ABCC9: variants seen among roughly 807,000 people sequenced by gnomAD.
ABCC9 encodes ATP-binding cassette sub-family C member 9.
A neutral mutation model predicts 188.3 loss-of-function variants in ABCC9; 95 were observed. That is an observed-to-expected ratio of 0.50 (90% CI 0.43 to 0.60). The LOEUF is 0.60. Ranked by LOEUF, ABCC9 falls within the 20% of genes least tolerant of loss-of-function variation. ABCC9 has a pLI of 0.00. For missense variants in ABCC9, 1,102 were observed against 1,876.3 expected (o/e 0.59, Z 7.62); for synonymous variants, 659 against 652.7 (o/e 1.01, Z -0.15).
intron 23 of ABCC9, 49 bp from the exon 24 acceptor site, chr12:21,852,271 C>T: frequency 6.2e-7 from 1 of 1,613,486 alleles, no homozygotes; most frequent in Admixed American, 1.7e-5. Flanking sequence ...CCTTGATTGG[C>T]AAAATGAACT....
At chr12:21,871,281 G>A (rs1415367062) in intron 18 of ABCC9, among the ~76,000 whole-genome samples, 1 of 152,094 alleles carries the variant, frequency 6.6e-6, no homozygotes, top group Non-Finnish European at 1.5e-5. Context: ...ATAGTGGCAG[G>A]GGAAACCTTG....
chr12:21,933,773 ATCACT>A lies in ABCC9; in HGVS notation c.284+4_284+8del. 6.2e-7 allele frequency: 1 copy of A among 1,613,362 alleles called. No homozygotes were observed. The highest frequency in any genetic ancestry group is 8.5e-7 in the Non-Finnish European group (1 of 1,179,442). ...ACTGCAGTGGTATTATTTAACTTAG[ATCACT>A]TACGAGTCTGAAACAATGCCTTCTG... On this transcript the variant is annotated splice_donor_5th_base_variant and intron_variant, in intron 4 of 39. Coordinates refer to ENST00000261200, the MANE Select transcript of ABCC9 (RefSeq NM_020297.4).
rs761820569 is a variant in ABCC9, at chr12:21,915,694, G to A, written c.790C>T (p.Leu264=). 3 of 1,611,344 alleles carry A rather than the reference G, an allele frequency of 1.9e-6. No homozygotes were observed. The highest frequency in any genetic ancestry group is 1.7e-6 in the Non-Finnish European group (2 of 1,179,272). ...AMRAVTNYVC[L]KDAYEEQKKK... is the part of the protein sequence containing the mutation. ...TTTTGTTCTTCATATGCATCTTTCAGGCAAACATAATTTGTTACTGCTCTC... is the reference window on the plus strand; with the variant it reads ...TTTTGTTCTTCATATGCATCTTTCAAGCAAACATAATTTGTTACTGCTCTC... Residue 264 remains leucine, a synonymous_variant, in exon 7 of 40, where the codon CTG becomes TTG. Coordinates refer to ENST00000261200, the MANE Select transcript of ABCC9 (RefSeq NM_020297.4).
At position 21,913,037 on chromosome 12, in the gene ABCC9, A is replaced by G. The variant is rs747683989; in HGVS notation, c.846T>C (p.Thr282=). 6.2e-7 allele frequency: 1 copy of G among 1,605,076 alleles called. No individual in the cohort carries two copies. Among genetic ancestry groups the G allele is most frequent in the Non-Finnish European group, 8.5e-7 (1 of 1,177,504 alleles). ...TGTACATTGCAAGCCATATAGATGG[A>G]GTCCGATTTGGATGATCTGCAACTT... ...KKKVADHPNR[T]PSIWLAMYRA... Residue 282 remains threonine, a synonymous_variant, in exon 8 of 40, where the codon ACT becomes ACC. Transcript: ENST00000261200.
At chr12:21,937,958 C>G (rs149612436) in intron 2 of ABCC9, 230 of 152,282 alleles carry the variant, frequency 1.5e-3, no homozygotes, top group African/African-American at 5.3e-3. Flanking sequence ...ATTTATGTCA[C>G]AATGGATTCT....
At chr12:21,875,523 A>G (rs1465645442) in intron 17 of ABCC9, 131 bp downstream of exon 17, 2 of 689,314 alleles carry the variant, frequency 2.9e-6, no homozygotes, top group Non-Finnish European at 4.9e-6. Context: ...CGCAAGCACA[A>G]TAGTGCAAAT....
intron 38 of ABCC9, among the ~76,000 whole-genome samples, chr12:21,806,270 A>G (rs974665602): frequency 6.6e-6 from 1 of 152,170 alleles, no homozygotes; most frequent in Non-Finnish European, 1.5e-5. Flanking sequence ...TCAGTCAGTG[A>G]TCAGCCAGAA....
At chr12:21,866,814 GCA>G (rs1945805080) in intron 18 of ABCC9, among the ~76,000 whole-genome samples, 2 of 152,150 alleles carry the variant, frequency 1.3e-5, no homozygotes, top group Non-Finnish European at 2.9e-5. Flanking sequence ...AGGTTGCAAT[GCA>G]CAGAGTAAAA....
chr12:21,829,265 G>C (rs748849557), intron 30 of ABCC9, among the ~76,000 whole-genome samples: 14 of 131,502 alleles, frequency 1.1e-4, no homozygotes, highest in African/African-American at 3.9e-4. Flanking sequence ...GCAGTGGCGC[G>C]ATCTCGGCTC....
intron 18 of ABCC9, among the ~76,000 whole-genome samples, chr12:21,871,735 A>G (rs1946090284): frequency 6.6e-6 from 1 of 152,202 alleles, no homozygotes; most frequent in South Asian, 2.1e-4. Flanking sequence ...GGATGTTAGC[A>G]GCATCCCTGG....
rs141645341 is a variant in ABCC9 at position 21,809,050 on chromosome 12, A to G, written c.4315+802T>C. Among the ~76,000 whole-genome samples the G allele has an allele frequency of 9.8e-4, 150 of 152,302 alleles. 1 individual carries two copies. Among genetic ancestry groups the G allele is most frequent in the Non-Finnish European group, 1.8e-3 (120 of 68,032 alleles). On this transcript the variant is annotated intron_variant, in intron 37 of 39. Coordinates refer to ENST00000261200, the MANE Select transcript of ABCC9 (RefSeq NM_020297.4). ...TTTTAAAAACTAGATGCCAAACACC[A>G]CAATTTGGCAACTATATATTGTATA...
At chr12:21,896,229 G>A (rs1294746897) in intron 12 of ABCC9, among the ~76,000 whole-genome samples, 1 of 151,584 alleles carries the variant, frequency 6.6e-6, no homozygotes, top group Non-Finnish European at 1.5e-5. Context: ...AGAGGACTCC[G>A]GTTTTAAAAA....
At chr12:21,806,168 C>A in intron 38 of ABCC9, 108 bp from the exon 39 acceptor site, 1 of 983,938 alleles carries the variant, frequency 1.0e-6, no homozygotes, top group Non-Finnish European at 1.6e-6. Flanking sequence ...CATTCTCAAT[C>A]CCTCATTTTC....
At chr12:21,823,037 G>A (rs1056954334) in intron 31 of ABCC9, among the ~76,000 whole-genome samples, 4 of 152,136 alleles carry the variant, frequency 2.6e-5, no homozygotes, top group Non-Finnish European at 5.9e-5. Flanking sequence ...TACTGCTATA[G>A]CCTTACACAT....
At chr12:21,856,045 C>G (rs2137468462) in intron 22 of ABCC9, among the ~76,000 whole-genome samples, 1 of 152,198 alleles carries the variant, frequency 6.6e-6, no homozygotes, top group African/African-American at 2.4e-5. Context: ...TAATGTCAAA[C>G]CTAGGAGAGT....
chr12:21,923,129 CA>C (rs567226720), intron 5 of ABCC9: 135 of 145,848 alleles, frequency 9.3e-4, no homozygotes, highest in African/African-American at 3.2e-3. Flanking sequence ...ACCATATACA[CA>C]ATTAATTTAG....
intron 31 of ABCC9, among the ~76,000 whole-genome samples, chr12:21,821,221 A>C (rs550458987): frequency 6.6e-6 from 1 of 152,332 alleles, no homozygotes; most frequent in East Asian, 1.9e-4. Flanking sequence ...TACTACAAGC[A>C]TACATTTTTT....
intron 5 of ABCC9, among the ~76,000 whole-genome samples, chr12:21,922,077 G>C (rs1948843377): frequency 6.6e-6 from 1 of 151,874 alleles, no homozygotes; most frequent in South Asian, 2.1e-4. Context: ...ATAAATTTTA[G>C]AATTGTTTTT....
At chr12:21,803,189 C>T (rs920543538) in intron 39 of ABCC9, among the ~76,000 whole-genome samples, 5 of 152,064 alleles carry the variant, frequency 3.3e-5, no homozygotes, top group Non-Finnish European at 7.4e-5. Context: ...GAAAAAGAAA[C>T]TTAACAAGCT....
Sources: gnomAD v4.1 joint callset for allele counts (sites outside exome capture counted in the v4.1 genomes callset) on GRCh38, gnomAD v4.1.1 for gene constraint, MANE v1.5 for transcripts, NCBI Gene and HGNC (gene_info 2026-07-23, HGNC 2026-07-21) for gene names.